Variants in MSI2 observed in about 807,000 individuals in gnomAD.
MSI2 encodes RNA-binding protein Musashi homolog 2.
MSI2 carries 17 observed loss-of-function variants against 45.6 expected under a neutral mutation model. The ratio of observed to expected loss-of-function variants is 0.37; its 90% CI spans 0.26 to 0.56. MSI2 has a LOEUF of 0.56. MSI2 is among the 20% of genes least tolerant of loss of function. The pLI is 0.77. For synonymous variants in MSI2, 156 were observed against 158.2 expected (o/e 0.99, Z 0.11); for missense variants, 293 against 444.2 (o/e 0.66, Z 3.06).
chr17:57,695,740 C>T, the MSI2 span, among the ~76,000 whole-genome samples: 3 of 152,212 alleles, frequency 2.0e-5, no homozygotes, highest in African/African-American at 4.8e-5. Context: ...TAACAAAATA[C>T]CATATACTGG....
intron 5 of MSI2, among the ~76,000 whole-genome samples, chr17:57,394,413 G>A (rs2083852487): frequency 6.6e-6 from 1 of 152,160 alleles, no homozygotes; most frequent in Non-Finnish European, 1.5e-5. Context: ...GCAACTCATG[G>A]GAAGTGCATA....
intron 6 of MSI2, among the ~76,000 whole-genome samples, chr17:57,525,535 ACCT>A (rs1355217694): frequency 6.6e-6 from 1 of 151,946 alleles, no homozygotes; most frequent in Non-Finnish European, 1.5e-5. Flanking sequence ...CGATTTTCCC[ACCT>A]CAGCCTCCTA....
chr17:57,453,598 A>G (rs893448760), intron 6 of MSI2, among the ~76,000 whole-genome samples: 2 of 152,230 alleles, frequency 1.3e-5, no homozygotes, highest in African/African-American at 4.8e-5. Context: ...AGCAGACACA[A>G]GCATTTGCCT....
At chr17:57,434,382 G>A (rs1345623366) in intron 6 of MSI2, among the ~76,000 whole-genome samples, 1 of 152,186 alleles carries the variant, frequency 6.6e-6, no homozygotes. Context: ...TTACAGGCAT[G>A]AGCCACCGTA....
chr17:57,337,853 A>G (rs1410651290), intron 5 of MSI2, among the ~76,000 whole-genome samples: 1 of 152,224 alleles, frequency 6.6e-6, no homozygotes, highest in Non-Finnish European at 1.5e-5. Flanking sequence ...TTTTGTGTGC[A>G]TACGTATTTA....
At chr17:57,473,400 T>G (rs1329444247) in intron 6 of MSI2, among the ~76,000 whole-genome samples, 1 of 152,226 alleles carries the variant, frequency 6.6e-6, no homozygotes, top group African/African-American at 2.4e-5. Context: ...GCACAAATGC[T>G]TCTAGTTAGC....
intron 7 of MSI2, among the ~76,000 whole-genome samples, chr17:57,557,660 G>A (rs955582013): frequency 1.3e-5 from 2 of 152,224 alleles, no homozygotes; most frequent in Non-Finnish European, 2.9e-5. Context: ...CCAAGGCAAG[G>A]CTTTCTGCGT....
chr17:57,666,825 T>TG (rs1216930261), intron 11 of MSI2, among the ~76,000 whole-genome samples: 1 of 145,114 alleles, frequency 6.9e-6, no homozygotes, highest in African/African-American at 2.7e-5. Context: ...TGGCGACATG[T>TG]GGGGAAAAGC....
chr17:57,439,319 A>T (rs1194060618), intron 6 of MSI2, among the ~76,000 whole-genome samples: 1 of 152,216 alleles, frequency 6.6e-6, no homozygotes, highest in Non-Finnish European at 1.5e-5. Flanking sequence ...ATTTGCACTC[A>T]ACCTGGTTGT....
chr17:57,527,352 G>A (rs966244873), intron 6 of MSI2, among the ~76,000 whole-genome samples: 1 of 150,728 alleles, frequency 6.6e-6, no homozygotes, highest in Non-Finnish European at 1.5e-5. Context: ...CCATATGCTC[G>A]AGTGTGACTG....
chr17:57,551,835 ATT>A (rs2087313620), intron 7 of MSI2, among the ~76,000 whole-genome samples: 1 of 152,164 alleles, frequency 6.6e-6, no homozygotes, highest in African/African-American at 2.4e-5. Flanking sequence ...TGGGGCAAGG[ATT>A]GACTAGAGGT....
intron 6 of MSI2, among the ~76,000 whole-genome samples, chr17:57,410,117 G>A (rs2084168024): frequency 6.6e-6 from 1 of 151,914 alleles, no homozygotes; most frequent in Admixed American, 6.6e-5. Flanking sequence ...ATGCAGGTAG[G>A]GTGACTGGTT....
At chr17:57,264,839 G>A (rs1407637272) in intron 5 of MSI2, 1 of 152,254 alleles carries the variant, frequency 6.6e-6, no homozygotes, top group East Asian at 1.9e-4. Context: ...GCTCGGAGAG[G>A]TCAGCGGGCT....
intron 5 of MSI2, among the ~76,000 whole-genome samples, chr17:57,387,961 T>C (rs1199058610): frequency 6.6e-6 from 1 of 152,216 alleles, no homozygotes; most frequent in Non-Finnish European, 1.5e-5. Context: ...AGAAGCTCAG[T>C]CACTTGCAGT....
intron 6 of MSI2, among the ~76,000 whole-genome samples, chr17:57,478,102 C>T (rs2085576855): frequency 1.3e-5 from 2 of 152,204 alleles, no homozygotes; most frequent in Non-Finnish European, 1.5e-5. Context: ...CATCTCCTCA[C>T]GTGCTCTGTA....
At chr17:57,380,787 A>G (rs1258212901) in intron 5 of MSI2, among the ~76,000 whole-genome samples, 2 of 152,200 alleles carry the variant, frequency 1.3e-5, no homozygotes, top group South Asian at 2.1e-4. Context: ...GGCTAGTCCT[A>G]TACCTGACAC....
At chr17:57,303,781 A>G (rs778429391) in intron 5 of MSI2, among the ~76,000 whole-genome samples, 18 of 152,222 alleles carry the variant, frequency 1.2e-4, no homozygotes, top group Non-Finnish European at 2.1e-4. Flanking sequence ...ATGGGATGCT[A>G]GACTGTAAAT....
chr17:57,326,153 G>T (rs1052902543), intron 5 of MSI2, among the ~76,000 whole-genome samples: 3 of 152,048 alleles, frequency 2.0e-5, no homozygotes, highest in Non-Finnish European at 4.4e-5. Context: ...TATGGTGCAG[G>T]TTACAGACCC....
intron 7 of MSI2, among the ~76,000 whole-genome samples, chr17:57,543,251 G>A (rs2144136540): frequency 6.6e-6 from 1 of 152,328 alleles, no homozygotes; most frequent in East Asian, 1.9e-4. Flanking sequence ...GCAAACTAAT[G>A]AGAATTTTTT....
Sources: allele counts gnomAD v4.1 joint callset (sites outside exome capture counted in the v4.1 genomes callset), GRCh38; gene constraint gnomAD v4.1.1; transcripts MANE v1.5; gene names NCBI Gene and HGNC (gene_info 2026-07-23, HGNC 2026-07-21).